Variants in CNTN5 observed in about 807,000 individuals in gnomAD.
The protein encoded by CNTN5 is contactin-5.
In CNTN5, 77 loss-of-function variants were observed where a neutral mutation model predicts 129.1. That is an observed-to-expected ratio of 0.60 (90% CI 0.50 to 0.72). CNTN5 has a LOEUF of 0.72. CNTN5 is among the 30% of genes least tolerant of loss of function. CNTN5 has a pLI of 0.00. For synonymous variants in CNTN5, 509 were observed against 465.6 expected, an observed-to-expected ratio of 1.09 and a Z score of -1.20; for missense variants, 1,478 against 1,328.8, an observed-to-expected ratio of 1.11 and a Z score of -1.75.
At chr11:99,089,903 A>T (rs1866169165) in intron 1 of CNTN5, among the ~76,000 whole-genome samples, 1 of 152,192 alleles carries the variant, frequency 6.6e-6, no homozygotes, top group Non-Finnish European at 1.5e-5. Context: ...GGTCTATGAT[A>T]ATTATTAAAT....
intron 3 of CNTN5, among the ~76,000 whole-genome samples, chr11:99,589,069 C>T (rs998529783): frequency 1.3e-5 from 2 of 152,092 alleles, no homozygotes; most frequent in African/African-American, 2.4e-5. Context: ...GTTGATGGAA[C>T]GTGAAACATG....
intron 1 of CNTN5, among the ~76,000 whole-genome samples, chr11:99,147,190 A>T (rs899950517): frequency 6.6e-6 from 1 of 152,194 alleles, no homozygotes; most frequent in African/African-American, 2.4e-5. Flanking sequence ...GTCAGGACAC[A>T]ATTAAAACCA....
chr11:99,072,752 A>G (rs1171115437), intron 1 of CNTN5, among the ~76,000 whole-genome samples: 2 of 152,158 alleles, frequency 1.3e-5, no homozygotes, highest in Non-Finnish European at 2.9e-5. Flanking sequence ...ATACTCAGAA[A>G]AGTGCGCAAA....
chr11:100,231,078 G>A (rs935515334), intron 16 of CNTN5, among the ~76,000 whole-genome samples: 12 of 152,120 alleles, frequency 7.9e-5, no homozygotes, highest in African/African-American at 2.7e-4. Context: ...CCACATGCCA[G>A]GACAGTTCTA....
At chr11:100,150,558 T>A (rs969589030) in intron 13 of CNTN5, among the ~76,000 whole-genome samples, 1 of 151,958 alleles carries the variant, frequency 6.6e-6, no homozygotes, top group African/African-American at 2.4e-5. Context: ...CTCTATAATT[T>A]TAGTTATTTT....
At chr11:99,061,546 C>G (rs948264574) in intron 1 of CNTN5, among the ~76,000 whole-genome samples, 3 of 152,082 alleles carry the variant, frequency 2.0e-5, no homozygotes, top group African/African-American at 7.2e-5. Flanking sequence ...CTACTTCAGG[C>G]TCTCAAGAAA....
intron 8 of CNTN5, 60 bp downstream of exon 8, chr11:99,957,069 T>C: frequency 3.6e-6 from 5 of 1,401,642 alleles, no homozygotes; most frequent in South Asian, 1.3e-5. Context: ...TAAAGATGTA[T>C]TAGTGTGTGT....
intron 1 of CNTN5, among the ~76,000 whole-genome samples, chr11:99,245,852 C>A (rs1484902875): frequency 6.6e-6 from 1 of 152,124 alleles, no homozygotes; most frequent in African/African-American, 2.4e-5. Context: ...TTCCAGACCT[C>A]TATTAACTAG....
intron 9 of CNTN5, among the ~76,000 whole-genome samples, chr11:100,029,444 G>A (rs537433884): frequency 3.2e-4 from 49 of 152,172 alleles, no homozygotes; most frequent in East Asian, 5.8e-4. Flanking sequence ...TTAGCCGGGC[G>A]AGGTGGCAGG....
At chr11:100,344,772 A>G (rs1952242978) in intron 23 of CNTN5, among the ~76,000 whole-genome samples, 1 of 152,166 alleles carries the variant, frequency 6.6e-6, no homozygotes, top group South Asian at 2.1e-4. Context: ...TACATCTATT[A>G]TGTATCAATA....
intron 7 of CNTN5, among the ~76,000 whole-genome samples, chr11:99,917,449 A>G (rs1057093510): frequency 6.6e-6 from 1 of 152,100 alleles, no homozygotes; most frequent in Non-Finnish European, 1.5e-5. Context: ...AATATAAGTC[A>G]TGTCTCATAT....
chr11:99,796,122 T>C (rs1309005550), intron 3 of CNTN5, among the ~76,000 whole-genome samples: 2 of 152,144 alleles, frequency 1.3e-5, no homozygotes, highest in Non-Finnish European at 2.9e-5. Context: ...TCAATCACAC[T>C]GCTAGCAGTG....
At chr11:99,299,514 CA>C (rs905384914) in intron 1 of CNTN5, among the ~76,000 whole-genome samples, 1 of 151,748 alleles carries the variant, frequency 6.6e-6, no homozygotes. Context: ...AGAAACAAAC[CA>C]AAAAAAGGAA....
chr11:100,223,820 T>C (rs1396440126), intron 15 of CNTN5, among the ~76,000 whole-genome samples: 1 of 152,174 alleles, frequency 6.6e-6, no homozygotes, highest in African/African-American at 2.4e-5. Context: ...CCTGAGTTAT[T>C]GTAAATATCA....
chr11:99,534,351 G>A (rs1565269514), intron 2 of CNTN5, among the ~76,000 whole-genome samples: 1 of 152,072 alleles, frequency 6.6e-6, no homozygotes. Flanking sequence ...TAGTGTCATC[G>A]AATGAGCATG....
At chr11:99,067,834 C>T (rs1260458959) in intron 1 of CNTN5, among the ~76,000 whole-genome samples, 1 of 152,102 alleles carries the variant, frequency 6.6e-6, no homozygotes, top group Non-Finnish European at 1.5e-5. Context: ...GCTGTGCCCC[C>T]ACCCAAAATC....
At chr11:99,316,997 G>C (rs1865370342) in intron 1 of CNTN5, among the ~76,000 whole-genome samples, 1 of 152,118 alleles carries the variant, frequency 6.6e-6, no homozygotes, top group Non-Finnish European at 1.5e-5. Flanking sequence ...AAGCAAGGAA[G>C]ATCTTTTTCA....
chr11:99,753,119 CTTTTTTTTTTTTT>C (rs375324214), intron 3 of CNTN5, among the ~76,000 whole-genome samples: 1 of 93,110 alleles, frequency 1.1e-5, no homozygotes. Flanking sequence ...GCCATATTTG[CTTTTTTTTTTTTT>C]TTTTTTTTGA....
intron 24 of CNTN5, among the ~76,000 whole-genome samples, chr11:100,354,171 A>C (rs574259146): frequency 1.3e-5 from 2 of 151,766 alleles, no homozygotes; most frequent in East Asian, 1.9e-4. Context: ...TGTTATGAGG[A>C]TCAAATAAGA....
Sources: gnomAD v4.1 joint callset for allele counts (sites outside exome capture counted in the v4.1 genomes callset) on GRCh38, gnomAD v4.1.1 for gene constraint, MANE v1.5 for transcripts, NCBI Gene and HGNC (gene_info 2026-07-23, HGNC 2026-07-21) for gene names.